TTLL7: variants seen among roughly 807,000 people sequenced by gnomAD.
TTLL7 encodes the protein tubulin tyrosine ligase like 7, also known as tubulin polyglutamylase TTLL7.
TTLL7 carries 53 observed loss-of-function variants against 120.2 expected under a neutral mutation model. The observed-to-expected ratio is 0.44, with a 90% CI of 0.35 to 0.55. The LOEUF (loss-of-function observed/expected upper bound fraction) is 0.55, where lower values mean the gene tolerates loss of function less well. Among genes scored for constraint, TTLL7 ranks in the 20% least tolerant of loss-of-function variants. The probability of loss-of-function intolerance (pLI) is 0.00; values close to 1 mark genes in which losing one functional copy is unlikely to be tolerated. For synonymous variants in TTLL7, 353 were observed against 351.7 expected (o/e 1.00, Z -0.04); for missense variants, 803 against 1,054.7 (o/e 0.76, Z 3.31).
chr1:83,947,492 A>T, intron 5 of TTLL7: 1 of 467,632 alleles, frequency 2.1e-6, no homozygotes, highest in Non-Finnish European at 3.7e-6. Flanking sequence ...AGTGAAAAAA[A>T]AAAACAACCT....
intron 8 of TTLL7, among the ~76,000 whole-genome samples, chr1:83,934,710 T>A (rs370490956): frequency 6.6e-6 from 1 of 152,196 alleles, no homozygotes; most frequent in African/African-American, 2.4e-5. Flanking sequence ...TCTACAGGTA[T>A]AGGCAATAGA....
In TTLL7 at chr1:83,937,958, T is replaced by C. The variant is rs1647581221; in HGVS notation, c.782A>G (p.Glu261Gly). 11 of 1,613,960 alleles carry C rather than the reference T, an allele frequency of 6.8e-6. No individual in the cohort carries two copies. The highest frequency in any genetic ancestry group is 1.3e-5 in the African/African-American group (1 of 74,914). Residue 261 changes from glutamate (E) to glycine (G), a missense_variant, in exon 8 of 21, where the codon GAA becomes GGA. Coordinates refer to ENST00000260505, the MANE Select transcript of TTLL7 (RefSeq NM_024686.6). ...YSVNKHNEHF[E>G]RDETENKGSK... ...GCCTTTGTTCTCAGTTTCATCCCGT[T>C]CAAAATGCTCATTATGCTTGTTCAC...
At chr1:83,893,430 C>A (rs1655952621) in intron 18 of TTLL7, among the ~76,000 whole-genome samples, 1 of 151,962 alleles carries the variant, frequency 6.6e-6, no homozygotes, top group Non-Finnish European at 1.5e-5. Context: ...GATCTCCATT[C>A]ATCAAAGTGG....
intron 3 of TTLL7, among the ~76,000 whole-genome samples, 175 bp from the exon 4 acceptor site, chr1:83,950,161 T>G (rs1216027462): frequency 6.6e-6 from 1 of 152,162 alleles, no homozygotes; most frequent in East Asian, 1.9e-4. Context: ...TTATTCTCAG[T>G]AGTAACTGAG....
chr1:83,963,706 T>A (rs1650208836), intron 1 of TTLL7, among the ~76,000 whole-genome samples: 2 of 152,044 alleles, frequency 1.3e-5, no homozygotes, highest in South Asian at 4.1e-4. Context: ...TTCTCCAATC[T>A]CAAACACACA....
intron 1 of TTLL7, among the ~76,000 whole-genome samples, chr1:83,954,056 A>C (rs1649298164): frequency 6.6e-6 from 1 of 152,210 alleles, no homozygotes; most frequent in Admixed American, 6.5e-5. Context: ...ACCTCAGGGA[A>C]GTAACTATTT....
intron 1 of TTLL7, among the ~76,000 whole-genome samples, chr1:83,961,185 T>C (rs912565479): frequency 1.3e-5 from 2 of 152,292 alleles, no homozygotes; most frequent in Non-Finnish European, 2.9e-5. Flanking sequence ...GGAGTTAAAC[T>C]GCTGAGCTAC....
intron 19 of TTLL7, among the ~76,000 whole-genome samples, chr1:83,885,541 T>C (rs1049833490): frequency 6.6e-6 from 1 of 152,026 alleles, no homozygotes; most frequent in African/African-American, 2.4e-5. Context: ...TGAATCAAGG[T>C]CCTATACATA....
intron 1 of TTLL7, among the ~76,000 whole-genome samples, chr1:83,957,696 C>A (rs569886711): frequency 6.6e-6 from 1 of 152,232 alleles, no homozygotes; most frequent in Admixed American, 6.5e-5. Flanking sequence ...ACTTTTTGTG[C>A]TACCTTCAAA....
At chr1:83,953,034 C>CCA (rs1232323201) in intron 1 of TTLL7, among the ~76,000 whole-genome samples, 1 of 152,050 alleles carries the variant, frequency 6.6e-6, no homozygotes, top group African/African-American at 2.4e-5. Flanking sequence ...ATAAAGTAAA[C>CCA]CACATCTTGA....
At chr1:83,904,960 A>G (rs1248624204) in intron 17 of TTLL7, among the ~76,000 whole-genome samples, 2 of 151,984 alleles carry the variant, frequency 1.3e-5, no homozygotes, top group Non-Finnish European at 2.9e-5. Flanking sequence ...TATTTTATTA[A>G]TTATATAAGC....
intron 20 of TTLL7, among the ~76,000 whole-genome samples, chr1:83,879,050 C>T (rs114437941): frequency 0.042 from 6,341 of 151,936 alleles, 158 homozygotes; most frequent in Middle Eastern, 0.099. Context: ...TTATTTCTAT[C>T]AGGTACATTT....
intron 1 of TTLL7, among the ~76,000 whole-genome samples, chr1:83,991,593 A>G (rs1287846709): frequency 6.6e-6 from 1 of 152,126 alleles, no homozygotes; most frequent in Admixed American, 6.5e-5. Flanking sequence ...GCAGTGAACC[A>G]TTATCACACC....
chr1:83,902,312 C>A (rs1656789101), intron 18 of TTLL7: 1 of 151,746 alleles, frequency 6.6e-6, no homozygotes, highest in Non-Finnish European at 1.5e-5. Context: ...TTTCCCTTTC[C>A]CCTCTATAGC....
chr1:83,995,060 T>A (rs931350120), intron 1 of TTLL7, among the ~76,000 whole-genome samples: 2 of 152,124 alleles, frequency 1.3e-5, no homozygotes, highest in African/African-American at 4.8e-5. Flanking sequence ...CAACTTAGTA[T>A]CTTCTCTCCT....
chr1:83,980,803 A>G (rs1056016808), intron 1 of TTLL7: 4 of 152,192 alleles, frequency 2.6e-5, no homozygotes, highest in Non-Finnish European at 5.9e-5. Context: ...CTGTTACTCA[A>G]AGTATGTATG....
At chr1:83,899,111 T>C (rs1209376716) in intron 18 of TTLL7, among the ~76,000 whole-genome samples, 5 of 151,920 alleles carry the variant, frequency 3.3e-5, no homozygotes, top group Admixed American at 3.3e-4. Flanking sequence ...AAAGTTTTAA[T>C]ATAAAGCTCC....
At chr1:83,937,149 T>C (rs1647471108) in intron 8 of TTLL7, among the ~76,000 whole-genome samples, 1 of 152,198 alleles carries the variant, frequency 6.6e-6, no homozygotes, top group Non-Finnish European at 1.5e-5. Context: ...TTTTCTATGT[T>C]TAGATATACA....
chr1:83,908,693 A>G (rs906048294), intron 15 of TTLL7, among the ~76,000 whole-genome samples: 1 of 151,980 alleles, frequency 6.6e-6, no homozygotes, highest in Non-Finnish European at 1.5e-5. Context: ...CCTATGGTCT[A>G]TATATCCTCT....
Sources: allele counts gnomAD v4.1 joint callset (sites outside exome capture counted in the v4.1 genomes callset), GRCh38; gene constraint gnomAD v4.1.1; transcripts MANE v1.5; gene names NCBI Gene and HGNC (gene_info 2026-07-23, HGNC 2026-07-21).